KIF26B: variants seen among roughly 807,000 people sequenced by gnomAD.
KIF26B encodes kinesin family member 26B.
In KIF26B, 63 loss-of-function variants were observed where a neutral mutation model predicts 151.2. The observed-to-expected ratio is 0.42, with a 90% CI of 0.34 to 0.51. The LOEUF (loss-of-function observed/expected upper bound fraction) is 0.51, where lower values mean the gene tolerates loss of function less well. Ranked by LOEUF, KIF26B falls within the 20% of genes least tolerant of loss-of-function variation. The pLI is 0.07. For missense variants in KIF26B, 2,813 were observed against 2,913.6 expected (o/e 0.97, Z 0.79); for synonymous variants, 1,357 against 1,262.1 (o/e 1.08, Z -1.59).
chr1:245,702,673 G>C lies in KIF26B; in HGVS notation c.*67G>C. Reference sequence around the variant, plus strand: ...ACTTCAGAGATGTTGCACGCCCCTAGGCCCTCTGTGCTGGGGCATCAAAGA... The same window carrying C: ...ACTTCAGAGATGTTGCACGCCCCTACGCCCTCTGTGCTGGGGCATCAAAGA... On this transcript the variant is annotated 3_prime_UTR_variant, in exon 15 of 15. Coordinates refer to ENST00000407071, the MANE Select transcript of KIF26B (RefSeq NM_018012.4). The surrounding 1 kb of genome is among the most constrained non-coding windows in gnomAD (Gnocchi z 4.1). The C allele has an allele frequency of 1.1e-5, 17 of 1,529,436 alleles. No individual in the cohort carries two copies. In the South Asian group the frequency reaches 2.0e-4, roughly 18 times the overall value. The allele number at this position is 1,529,436 out of a possible 1,614,324, so 94.7% of individuals were successfully genotyped here. A position where few individuals can be genotyped will look rare whatever the true frequency, so the allele number is the denominator to read the frequency against.
chr1:245,671,718 T>TCCCCTTG (rs968081206), intron 10 of KIF26B, among the ~76,000 whole-genome samples: 3 of 152,220 alleles, frequency 2.0e-5, no homozygotes, highest in African/African-American at 7.2e-5. Flanking sequence ...GTCAGACTTT[T>TCCCCTTG]CCCCTTGTTT....
At position 245,156,700 on chromosome 1, in the gene KIF26B, G is replaced by A. The variant is rs966867509; in HGVS notation, c.465+17G>A. On this transcript the variant is annotated intron_variant, in intron 2 of 14. Transcript: ENST00000407071. Reference sequence around the variant, plus strand: ...CCGGGCAAGGTGAGCGCCGCGCGGGGCTGGCTGGGGAGGCGCCGGGAGGGC... The same window carrying A: ...CCGGGCAAGGTGAGCGCCGCGCGGGACTGGCTGGGGAGGCGCCGGGAGGGC... 4.8e-5 allele frequency: 69 copies of A among 1,433,224 alleles called. No individual in the cohort carries two copies. The African/African-American group carries it at 9.4e-4, about 19-fold the overall frequency. The allele number at this position is 1,433,224 out of a possible 1,614,324, so 88.8% of individuals were successfully genotyped here.
chr1:245,328,040 G>A (rs1558390398), intron 2 of KIF26B, among the ~76,000 whole-genome samples: 4 of 152,088 alleles, frequency 2.6e-5, no homozygotes, highest in Non-Finnish European at 4.4e-5. Flanking sequence ...GGCAGAGAGG[G>A]GACTATCTGA....
At chr1:245,465,720 G>A (rs1411875063) in intron 4 of KIF26B, among the ~76,000 whole-genome samples, 1 of 152,212 alleles carries the variant, frequency 6.6e-6, no homozygotes, top group African/African-American at 2.4e-5. Context: ...TGTCGCAGGT[G>A]CAGGCAAGCC....
chr1:245,369,295 C>G (rs1204907561), intron 3 of KIF26B, among the ~76,000 whole-genome samples: 1 of 152,136 alleles, frequency 6.6e-6, no homozygotes, highest in African/African-American at 2.4e-5. Flanking sequence ...GAAAAAGGAA[C>G]AAGTCGAGTG....
chr1:245,484,266 G>T (rs1046833895), intron 4 of KIF26B, among the ~76,000 whole-genome samples: 2 of 151,826 alleles, frequency 1.3e-5, no homozygotes, highest in African/African-American at 4.8e-5. Flanking sequence ...CTCTTCAAAG[G>T]AAGTGCTAAT....
intron 4 of KIF26B, among the ~76,000 whole-genome samples, chr1:245,509,714 G>A (rs1389028034): frequency 3.9e-5 from 6 of 152,162 alleles, no homozygotes; most frequent in Non-Finnish European, 8.8e-5. Context: ...TAGTGCAGAT[G>A]ACTGGGACTC....
At chr1:245,583,029 C>CT (rs1275313377) in intron 5 of KIF26B, among the ~76,000 whole-genome samples, 1 of 152,172 alleles carries the variant, frequency 6.6e-6, no homozygotes, top group African/African-American at 2.4e-5. Context: ...TAACCACCCC[C>CT]TACTCACCCC....
intron 2 of KIF26B, chr1:245,282,928 C>A: frequency 3.0e-6 from 1 of 328,540 alleles, no homozygotes. Context: ...ATTTTGGGTT[C>A]AAACCCACCT....
intron 2 of KIF26B, among the ~76,000 whole-genome samples, chr1:245,257,455 G>T: frequency 6.6e-6 from 1 of 152,168 alleles, no homozygotes; most frequent in East Asian, 1.9e-4. Flanking sequence ...CCCCTGCCTC[G>T]AGGGAATACG....
intron 2 of KIF26B, among the ~76,000 whole-genome samples, chr1:245,345,424 G>A (rs373325335): frequency 6.6e-6 from 1 of 152,234 alleles, no homozygotes; most frequent in East Asian, 1.9e-4. Context: ...GAAAATCCTC[G>A]TCCCCCTCCG....
rs111996779 is a variant in KIF26B, at chr1:245,242,232, TC to T, written c.465+85557del. 7.9e-3 allele frequency among the ~76,000 whole-genome samples: 1,196 copies of T among 151,760 alleles called. 13 individuals are homozygous for T. Among genetic ancestry groups the T allele is most frequent in the African/African-American group, 0.028 (1,142 of 41,374 alleles). ...ACAGCGAGACCCTGTCTCTATGCCTTCCCCCCCCAAAATAGGGAACATATTG... is the reference window on the plus strand; with the variant it reads ...ACAGCGAGACCCTGTCTCTATGCCTTCCCCCCCAAAATAGGGAACATATTG... On this transcript the variant is annotated intron_variant, in intron 2 of 14. Transcript: ENST00000407071.
intron 4 of KIF26B, among the ~76,000 whole-genome samples, chr1:245,434,176 T>A (rs1344194127): frequency 6.6e-6 from 1 of 152,200 alleles, no homozygotes; most frequent in Non-Finnish European, 1.5e-5. Flanking sequence ...TTTTGTAACA[T>A]GGCTATCCTG....
At chr1:245,531,080 C>T (rs975756371) in intron 4 of KIF26B, among the ~76,000 whole-genome samples, 2 of 152,066 alleles carry the variant, frequency 1.3e-5, no homozygotes, top group African/African-American at 4.8e-5. Context: ...ATTCTGGCCA[C>T]GACCTAACTC....
intron 2 of KIF26B, among the ~76,000 whole-genome samples, chr1:245,221,526 C>T (rs184128527): frequency 1.3e-5 from 2 of 152,014 alleles, no homozygotes; most frequent in African/African-American, 2.4e-5. Context: ...CCTGCCTCAG[C>T]CACCCAAATA....
At chr1:245,468,815 G>A (rs778676928) in intron 4 of KIF26B, among the ~76,000 whole-genome samples, 1 of 151,988 alleles carries the variant, frequency 6.6e-6, no homozygotes, top group Non-Finnish European at 1.5e-5. Flanking sequence ...TTTCCCCCTC[G>A]CTATGCTCTT....
chr1:245,230,600 G>A (rs938979625), intron 2 of KIF26B, among the ~76,000 whole-genome samples: 2 of 152,012 alleles, frequency 1.3e-5, no homozygotes, highest in East Asian at 1.9e-4. Context: ...AAAATCAGCC[G>A]GGCATGGTGG....
intron 5 of KIF26B, among the ~76,000 whole-genome samples, chr1:245,542,331 C>T (rs572199056): frequency 6.6e-6 from 1 of 152,350 alleles, no homozygotes; most frequent in East Asian, 1.9e-4. Flanking sequence ...CTAGCCTGGG[C>T]CACAGAGTGT....
chr1:245,238,553 A>AT (rs1224717425), intron 2 of KIF26B, among the ~76,000 whole-genome samples: 2 of 151,426 alleles, frequency 1.3e-5, no homozygotes, highest in African/African-American at 2.4e-5. Flanking sequence ...AAAGTCCTCA[A>AT]TTTTTTTTAT....
Sources: gnomAD v4.1 joint callset for allele counts (sites outside exome capture counted in the v4.1 genomes callset) on GRCh38, gnomAD v4.1.1 for gene constraint, Gnocchi (gnomAD v3.1) non-coding constraint, MANE v1.5 for transcripts, NCBI Gene and HGNC (gene_info 2026-07-23, HGNC 2026-07-21) for gene names.